The following PARD3 variants were observed in gnomAD, a reference collection of about 807,000 sequenced individuals.
The protein encoded by PARD3 is partitioning defective 3 homolog.
Under a neutral mutation model 155.4 loss-of-function variants are expected in PARD3, and 75 were observed. The ratio of observed to expected loss-of-function variants is 0.48; its 90% CI spans 0.40 to 0.58. PARD3 has a LOEUF of 0.58. Ranked by LOEUF, PARD3 falls within the 20% of genes least tolerant of loss-of-function variation. The pLI, the probability that PARD3 is intolerant of heterozygous loss-of-function variation, is 0.00. For missense variants in PARD3, 1,642 were observed against 1,721.7 expected (o/e 0.95, Z 0.82); for synonymous variants, 576 against 610.5 (o/e 0.94, Z 0.83).
chr10:34,389,998 T>C (rs965462363), intron 7 of PARD3, among the ~76,000 whole-genome samples: 13 of 152,164 alleles, frequency 8.5e-5, no homozygotes, highest in African/African-American at 3.1e-4. Flanking sequence ...CTAAAACCAA[T>C]GCGTATGTTA....
intron 2 of PARD3, among the ~76,000 whole-genome samples, chr10:34,639,062 T>C (rs2092580731): frequency 6.6e-6 from 1 of 152,176 alleles, no homozygotes; most frequent in Non-Finnish European, 1.5e-5. Context: ...TTCTAATCTA[T>C]GAAAGAAGAT....
chr10:34,673,573 C>G (rs775258759), intron 2 of PARD3, among the ~76,000 whole-genome samples: 3 of 152,158 alleles, frequency 2.0e-5, no homozygotes, highest in Admixed American at 6.5e-5. Context: ...ACAAACTTAT[C>G]AAGAACACAT....
At chr10:34,414,586 T>C (rs1449594796) in intron 5 of PARD3, among the ~76,000 whole-genome samples, 1 of 151,274 alleles carries the variant, frequency 6.6e-6, no homozygotes, top group Non-Finnish European at 1.5e-5. Context: ...GAGGCCAAGA[T>C]GGGCCAATCA....
In PARD3 at chr10:34,372,119, CT is replaced by C. The variant is rs1202826670; in HGVS notation, c.1707+378del. 5.3e-5 allele frequency among the ~76,000 whole-genome samples: 8 copies of C among 152,116 alleles called. No homozygotes were observed. The East Asian group carries it at 9.6e-4, about 18-fold the overall frequency. ...TTTTACTGTATTCTCTTAGCCCTCCCTTTTTTTCCATGATTGAATCAAGTTT... is the reference window on the plus strand; with the variant it reads ...TTTTACTGTATTCTCTTAGCCCTCCCTTTTTTCCATGATTGAATCAAGTTT... On this transcript the variant is annotated intron_variant, in intron 12 of 24. Coordinates refer to ENST00000374788, the MANE Select transcript of PARD3 (RefSeq NM_001184785.2).
intron 2 of PARD3, among the ~76,000 whole-genome samples, chr10:34,607,834 C>A (rs530432977): frequency 2.0e-4 from 30 of 152,310 alleles, no homozygotes; most frequent in Non-Finnish European, 3.5e-4. Flanking sequence ...CATTTAGGTG[C>A]TTTTCTTTCA....
chr10:34,188,306 G>A (rs372956468), intron 22 of PARD3, among the ~76,000 whole-genome samples: 3 of 152,192 alleles, frequency 2.0e-5, no homozygotes, highest in Admixed American at 2.0e-4. Flanking sequence ...GGGTTGGTTA[G>A]AATCACTTGC....
At chr10:34,426,416 T>G (rs1290329560) in intron 5 of PARD3, among the ~76,000 whole-genome samples, 3 of 152,154 alleles carry the variant, frequency 2.0e-5, no homozygotes, top group Non-Finnish European at 4.4e-5. Context: ...GGTGGCTTAC[T>G]TCACGCTAAA....
At chr10:34,382,488 T>G in intron 9 of PARD3, 52 bp downstream of exon 9, 2 of 1,565,384 alleles carry the variant, frequency 1.3e-6, no homozygotes, top group South Asian at 2.4e-5. Flanking sequence ...TACCCTTGTG[T>G]GTTGCTGCTA....
chr10:34,551,821 C>A (rs2084597481), intron 2 of PARD3, among the ~76,000 whole-genome samples: 1 of 152,156 alleles, frequency 6.6e-6, no homozygotes, highest in African/African-American at 2.4e-5. Flanking sequence ...GATGACACCA[C>A]AGGTAGGAGG....
At chr10:34,790,337 G>A (rs899650207) in intron 1 of PARD3, among the ~76,000 whole-genome samples, 21 of 152,178 alleles carry the variant, frequency 1.4e-4, no homozygotes, top group East Asian at 1.9e-4. Context: ...CAGTAATGAC[G>A]CTGATGCAGA....
At chr10:34,758,356 G>C (rs1342739607) in intron 1 of PARD3, among the ~76,000 whole-genome samples, 2 of 152,154 alleles carry the variant, frequency 1.3e-5, no homozygotes, top group African/African-American at 4.8e-5. Context: ...AGGAAACCCA[G>C]GTTCAGGGAG....
chr10:34,550,297 A>C (rs2133961407), intron 2 of PARD3, among the ~76,000 whole-genome samples: 1 of 152,278 alleles, frequency 6.6e-6, no homozygotes, highest in African/African-American at 2.4e-5. Flanking sequence ...TCACTGCCTC[A>C]AAGTCCTGGA....
chr10:34,541,539 C>A (rs1225772113), intron 2 of PARD3, among the ~76,000 whole-genome samples: 1 of 152,152 alleles, frequency 6.6e-6, no homozygotes, highest in Non-Finnish European at 1.5e-5. Flanking sequence ...CCTTTTCATG[C>A]TAACAGCACA....
At chr10:34,533,857 C>T (rs1213983724) in intron 2 of PARD3, among the ~76,000 whole-genome samples, 1 of 151,888 alleles carries the variant, frequency 6.6e-6, no homozygotes, top group Non-Finnish European at 1.5e-5. Context: ...ACTGTTACTC[C>T]TTGGATTAAC....
At chr10:34,468,415 TAAA>T (rs1046009451) in intron 4 of PARD3, among the ~76,000 whole-genome samples, 32 of 152,196 alleles carry the variant, frequency 2.1e-4, no homozygotes, top group Non-Finnish European at 2.9e-5. Context: ...AAAACCAAGT[TAAA>T]AAAATTTTTT....
chr10:34,760,067 A>G (rs1398645412), intron 1 of PARD3, among the ~76,000 whole-genome samples: 3 of 152,162 alleles, frequency 2.0e-5, no homozygotes, highest in Admixed American at 6.5e-5. Context: ...TTAGCCAACT[A>G]TATTATGTAA....
At chr10:34,669,313 A>C (rs2093564211) in intron 2 of PARD3, among the ~76,000 whole-genome samples, 1 of 152,214 alleles carries the variant, frequency 6.6e-6, no homozygotes, top group East Asian at 1.9e-4. Context: ...TTGCAGCAAT[A>C]TTGATGGAAC....
At chr10:34,269,608 G>T in intron 22 of PARD3, 49 bp downstream of exon 22, 4 of 1,601,206 alleles carry the variant, frequency 2.5e-6, no homozygotes, top group Non-Finnish European at 3.4e-6. Flanking sequence ...GTCAGAAGCT[G>T]TATAAAAGCT....
chr10:34,760,597 G>A (rs138893903), intron 1 of PARD3, among the ~76,000 whole-genome samples: 6 of 152,120 alleles, frequency 3.9e-5, no homozygotes, highest in Non-Finnish European at 5.9e-5. Flanking sequence ...CTCCCAAAGC[G>A]CTGGGATTAC....
Sources: allele counts gnomAD v4.1 joint callset (sites outside exome capture counted in the v4.1 genomes callset), GRCh38; gene constraint gnomAD v4.1.1; transcripts MANE v1.5; gene names NCBI Gene and HGNC (gene_info 2026-07-23, HGNC 2026-07-21).